Variants in ZBTB8A observed in about 807,000 individuals in gnomAD.
ZBTB8A encodes zinc finger and BTB domain-containing protein 8A.
Under a neutral mutation model 37.8 loss-of-function variants are expected in ZBTB8A, and 19 were observed. The ratio of observed to expected loss-of-function variants is 0.50; its 90% CI spans 0.35 to 0.74. The LOEUF is 0.74. Ranked by LOEUF, ZBTB8A falls within the 30% of genes least tolerant of loss-of-function variation. ZBTB8A has a pLI of 0.01. For synonymous variants in ZBTB8A, 181 were observed against 185.2 expected (o/e 0.98, Z 0.19); for missense variants, 394 against 537.8 (o/e 0.73, Z 2.65).
chr1:32,582,406 G>T (rs748843868), intron 2 of ZBTB8A, among the ~76,000 whole-genome samples: 63 of 152,106 alleles, frequency 4.1e-4, no homozygotes, highest in Non-Finnish European at 8.2e-4. Context: ...CCAGCACTTT[G>T]GGAGGCCAAG....
intron 2 of ZBTB8A, among the ~76,000 whole-genome samples, chr1:32,573,347 T>C (rs1315812235): frequency 2.0e-5 from 3 of 151,368 alleles, no homozygotes; most frequent in African/African-American, 7.3e-5. Flanking sequence ...GTGCTGTGAT[T>C]ACAGGCGTGA....
chr1:32,589,795 G>A (rs931717072), intron 2 of ZBTB8A, among the ~76,000 whole-genome samples: 26 of 151,966 alleles, frequency 1.7e-4, no homozygotes, highest in African/African-American at 5.8e-4. Flanking sequence ...CAGGTGATCC[G>A]TCAGCCTCGG....
chr1:32,567,805 A>C (rs1414178416), intron 2 of ZBTB8A, among the ~76,000 whole-genome samples: 744 of 45,496 alleles, frequency 0.016, 110 homozygotes, highest in African/African-American at 0.075. Context: ...AAAAAAAAAA[A>C]AAAAAAAAAA....
At chr1:32,561,400 G>C (rs1245135135) in intron 2 of ZBTB8A, among the ~76,000 whole-genome samples, 1 of 152,024 alleles carries the variant, frequency 6.6e-6, no homozygotes, top group African/African-American at 2.4e-5. Context: ...TGTTGACAGC[G>C]CCATGCTGCC....
At chr1:32,563,463 CTTTTTTTTCTTTT>C (rs1416467083) in intron 2 of ZBTB8A, among the ~76,000 whole-genome samples, 1 of 151,840 alleles carries the variant, frequency 6.6e-6, no homozygotes, top group Admixed American at 6.6e-5. Context: ...CTTTTTCTTT[CTTTTTTTTCTTTT>C]TTTTGAAACA....
chr1:32,551,030 T>G (rs1644151439), intron 1 of ZBTB8A, among the ~76,000 whole-genome samples: 1 of 151,844 alleles, frequency 6.6e-6, no homozygotes, highest in Non-Finnish European at 1.5e-5. Flanking sequence ...AATATGCCCT[T>G]AAGTGGCAGT....
chr1:32,589,826 A>G (rs887542632), intron 2 of ZBTB8A, among the ~76,000 whole-genome samples: 2 of 152,132 alleles, frequency 1.3e-5, no homozygotes, highest in Non-Finnish European at 2.9e-5. Context: ...TGCTGGGATT[A>G]CAGGTGTGAG....
chr1:32,593,802 T>A, intron 3 of ZBTB8A, 48 bp downstream of exon 3: 8 of 1,425,470 alleles, frequency 5.6e-6, no homozygotes, highest in Non-Finnish European at 7.7e-6. Flanking sequence ...CAAACTGCTA[T>A]ATTAATCAGT....
chr1:32,592,121 G>A (rs959332038), intron 2 of ZBTB8A, among the ~76,000 whole-genome samples: 3 of 152,166 alleles, frequency 2.0e-5, no homozygotes, highest in East Asian at 1.9e-4. Flanking sequence ...GATTATAGGC[G>A]TGAGCCACCA....
Position 32,603,309 on chromosome 1 carries a change from TA to T in ZBTB8A, c.*2891del, listed in dbSNP as rs1278709922. ...CATGCCTGGCTAATTTTTGTATTTT[TA>T]GTAGAGACAGGGTTTCGCTATGTTG... On this transcript the variant is annotated 3_prime_UTR_variant, in exon 5 of 5. Transcript: ENST00000373510. 1 of 152,254 alleles carries T rather than the reference TA, an allele frequency of 6.6e-6. No homozygotes were observed. Among genetic ancestry groups the T allele is most frequent in the African/African-American group, 2.4e-5 (1 of 41,444 alleles). 9.4% of individuals were successfully genotyped at this position (152,254 alleles called of 1,614,324 possible).
chr1:32,557,460 CATTTA>C (rs1432710716), intron 2 of ZBTB8A, among the ~76,000 whole-genome samples: 2 of 152,022 alleles, frequency 1.3e-5, no homozygotes, highest in Non-Finnish European at 2.9e-5. Flanking sequence ...CATTAAATAA[CATTTA>C]ATTTAAATAA....
At chr1:32,548,978 G>A (rs977558569) in intron 1 of ZBTB8A, among the ~76,000 whole-genome samples, 16 of 151,244 alleles carry the variant, frequency 1.1e-4, no homozygotes, top group Non-Finnish European at 2.1e-4. Flanking sequence ...CGATCATGAG[G>A]TCAGGAGTTT....
At chr1:32,591,479 A>G (rs1557716524) in intron 2 of ZBTB8A, among the ~76,000 whole-genome samples, 1 of 152,206 alleles carries the variant, frequency 6.6e-6, no homozygotes, top group East Asian at 1.9e-4. Context: ...TCTGACTCCC[A>G]AAGTGCTGGG....
intron 2 of ZBTB8A, among the ~76,000 whole-genome samples, chr1:32,570,457 G>T (rs1222177606): frequency 1.3e-5 from 2 of 152,080 alleles, no homozygotes; most frequent in Non-Finnish European, 2.9e-5. Context: ...AGATAAATTT[G>T]CTTGGATTTT....
intron 2 of ZBTB8A, among the ~76,000 whole-genome samples, chr1:32,561,134 C>T (rs1463056291): frequency 1.5e-5 from 2 of 135,228 alleles, no homozygotes; most frequent in Non-Finnish European, 3.0e-5. Flanking sequence ...AAATAAGGTG[C>T]TCCACCCATT....
chr1:32,551,704 C>G (rs1644157415), intron 1 of ZBTB8A, among the ~76,000 whole-genome samples: 1 of 151,776 alleles, frequency 6.6e-6, no homozygotes, highest in Admixed American at 6.6e-5. Flanking sequence ...AGCGAAACTC[C>G]ATCTAAAAAA....
chr1:32,586,459 C>G (rs1644450423), intron 2 of ZBTB8A, among the ~76,000 whole-genome samples: 1 of 152,130 alleles, frequency 6.6e-6, no homozygotes, highest in South Asian at 2.1e-4. Flanking sequence ...TCTCTTCTCT[C>G]TTGGACTTTA....
intron 1 of ZBTB8A, among the ~76,000 whole-genome samples, chr1:32,543,741 A>C (rs538325798): frequency 5.9e-5 from 9 of 152,136 alleles, no homozygotes; most frequent in Non-Finnish European, 1.3e-4. Flanking sequence ...CAATGGCGCG[A>C]TCTCGGCTCA....
rs184427260 is a variant in ZBTB8A at position 32,555,655 on chromosome 1, T to A, written c.-2+2115T>A. ...TTCCCCTCTCAGCCCATGCTTCCTCTGAGCCCCTTCATTTCTGCTAACAGC... is the reference window on the plus strand; with the variant it reads ...TTCCCCTCTCAGCCCATGCTTCCTCAGAGCCCCTTCATTTCTGCTAACAGC... On this transcript the variant is annotated intron_variant, in intron 2 of 4. Coordinates refer to ENST00000373510, the MANE Select transcript of ZBTB8A (RefSeq NM_001040441.3). 2.5e-3 allele frequency among the ~76,000 whole-genome samples: 380 copies of A among 152,264 alleles called. 2 individuals carry two copies. Among genetic ancestry groups the A allele is most frequent in the Middle Eastern group, 6.8e-3 (2 of 294 alleles).
Sources: allele counts gnomAD v4.1 joint callset (sites outside exome capture counted in the v4.1 genomes callset), GRCh38; gene constraint gnomAD v4.1.1; transcripts MANE v1.5; gene names NCBI Gene and HGNC (gene_info 2026-07-23, HGNC 2026-07-21).